Variants in PAPSS1 observed in about 807,000 individuals in gnomAD.
PAPSS1 encodes 3'-phosphoadenosine 5'-phosphosulfate synthase 1, also known as bifunctional 3'-phosphoadenosine 5'-phosphosulfate synthase 1.
A neutral mutation model predicts 72.0 loss-of-function variants in PAPSS1; 50 were observed. That is an observed-to-expected ratio of 0.69 (90% confidence interval 0.55 to 0.88). The LOEUF (loss-of-function observed/expected upper bound fraction) is 0.88, where lower values mean the gene tolerates loss of function less well. PAPSS1 is among the 40% of genes least tolerant of loss of function. The pLI is 0.00. For missense variants in PAPSS1, 657 were observed against 782.2 expected (o/e 0.84, Z 1.91); for synonymous variants, 261 against 263.6 (o/e 0.99, Z 0.09).
chr4:107,628,389 AG>A (rs1381243434), intron 11 of PAPSS1, among the ~76,000 whole-genome samples: 2 of 152,174 alleles, frequency 1.3e-5, no homozygotes, highest in African/African-American at 2.4e-5. Context: ...AATTTTTTAA[AG>A]GTTTCTTTTT....
At chr4:107,635,829 T>C (rs1341522504) in intron 10 of PAPSS1, among the ~76,000 whole-genome samples, 1 of 152,206 alleles carries the variant, frequency 6.6e-6, no homozygotes, top group Admixed American at 6.5e-5. Context: ...CTTTAAAATA[T>C]TCTTATCACC....
intron 5 of PAPSS1, among the ~76,000 whole-genome samples, chr4:107,669,800 A>T (rs1355375689): frequency 2.0e-5 from 3 of 152,320 alleles, no homozygotes; most frequent in Middle Eastern, 6.8e-3. Flanking sequence ...GTTTTTCAAA[A>T]GAAAATTTCT....
intron 5 of PAPSS1, among the ~76,000 whole-genome samples, chr4:107,661,251 T>G (rs1318861455): frequency 6.6e-6 from 1 of 152,030 alleles, no homozygotes; most frequent in African/African-American, 2.4e-5. Context: ...TCATAGCTGG[T>G]GGGGATGCAA....
chr4:107,682,227 T>C, intron 4 of PAPSS1, 94 bp from the exon 5 acceptor site: 1 of 601,508 alleles, frequency 1.7e-6, no homozygotes. Flanking sequence ...GAAGTTAGTA[T>C]CTGCGCTGTC....
chr4:107,640,328 C>T (rs1726502728), intron 10 of PAPSS1, among the ~76,000 whole-genome samples: 1 of 152,160 alleles, frequency 6.6e-6, no homozygotes, highest in Admixed American at 6.5e-5. Flanking sequence ...TCTTTATAGA[C>T]TATAAAATCA....
chr4:107,709,086 C>T (rs1255574027), intron 1 of PAPSS1, among the ~76,000 whole-genome samples: 1 of 152,240 alleles, frequency 6.6e-6, no homozygotes, highest in Non-Finnish European at 1.5e-5. Context: ...TCTGAGCCTA[C>T]TCTGGCTCAG....
At chr4:107,636,163 C>T (rs547751327) in intron 10 of PAPSS1, among the ~76,000 whole-genome samples, 1 of 151,898 alleles carries the variant, frequency 6.6e-6, no homozygotes, top group East Asian at 1.9e-4. Flanking sequence ...GGCAAATATG[C>T]AAAAAAGGTT....
At chr4:107,644,559 C>A (rs1017619274) in intron 10 of PAPSS1, among the ~76,000 whole-genome samples, 2 of 152,184 alleles carry the variant, frequency 1.3e-5, no homozygotes, top group Non-Finnish European at 2.9e-5. Context: ...CAGGGAACAT[C>A]CCCTCCTTCA....
intron 1 of PAPSS1, among the ~76,000 whole-genome samples, chr4:107,714,100 C>T (rs911210258): frequency 4.6e-5 from 7 of 152,094 alleles, no homozygotes; most frequent in African/African-American, 1.7e-4. Flanking sequence ...AGCAGAAATC[C>T]CCCATCCTCC....
chr4:107,630,352 T>A (rs1726197773), intron 11 of PAPSS1, among the ~76,000 whole-genome samples: 1 of 152,220 alleles, frequency 6.6e-6, no homozygotes, highest in Admixed American at 6.5e-5. Context: ...TCCCCACATG[T>A]CAGGGGAGGA....
At chr4:107,655,508 T>C (rs1726979941) in intron 7 of PAPSS1, among the ~76,000 whole-genome samples, 1 of 152,226 alleles carries the variant, frequency 6.6e-6, no homozygotes, top group East Asian at 1.9e-4. Flanking sequence ...CAAAATGTGT[T>C]GTCAGTGATA....
chr4:107,657,034 T>A (rs1234880158), intron 6 of PAPSS1, 27 bp from the exon 7 acceptor site: 1 of 1,454,466 alleles, frequency 6.9e-7, no homozygotes, highest in Non-Finnish European at 9.7e-7. Context: ...TAAAGCAAAA[T>A]TTTCTATTGC....
chr4:107,710,091 C>T (rs1723447674), intron 1 of PAPSS1, among the ~76,000 whole-genome samples: 1 of 152,210 alleles, frequency 6.6e-6, no homozygotes, highest in African/African-American at 2.4e-5. Flanking sequence ...TCAGCCAAAT[C>T]CTTTCTATAA....
At chr4:107,685,238 T>G (rs1443515566) in intron 4 of PAPSS1, among the ~76,000 whole-genome samples, 1 of 152,210 alleles carries the variant, frequency 6.6e-6, no homozygotes, top group Admixed American at 6.5e-5. Flanking sequence ...CAACAAGCAT[T>G]AACTATGTGT....
intron 10 of PAPSS1, among the ~76,000 whole-genome samples, chr4:107,637,824 A>G (rs889695561): frequency 2.0e-5 from 3 of 152,220 alleles, no homozygotes; most frequent in African/African-American, 7.2e-5. Flanking sequence ...AAAATTCTTT[A>G]GGAAGTCAAG....
intron 11 of PAPSS1, among the ~76,000 whole-genome samples, chr4:107,620,164 A>T (rs1220275843): frequency 1.3e-5 from 2 of 152,222 alleles, no homozygotes; most frequent in African/African-American, 4.8e-5. Flanking sequence ...TAAAAGTGCT[A>T]ACTAGGCAAC....
chr4:107,658,786 G>A (rs1290807776), intron 6 of PAPSS1, among the ~76,000 whole-genome samples: 1 of 152,030 alleles, frequency 6.6e-6, no homozygotes, highest in Non-Finnish European at 1.5e-5. Flanking sequence ...GATGGTATCT[G>A]TTAGGGATTG....
intron 10 of PAPSS1, among the ~76,000 whole-genome samples, chr4:107,639,934 G>A (rs1399566223): frequency 6.6e-6 from 1 of 152,198 alleles, no homozygotes; most frequent in Non-Finnish European, 1.5e-5. Flanking sequence ...TTCTCTTAAA[G>A]AGTCAATTAA....
chr4:107,713,340 CT>C (rs1435968010), intron 1 of PAPSS1, among the ~76,000 whole-genome samples: 3 of 152,074 alleles, frequency 2.0e-5, no homozygotes, highest in Non-Finnish European at 4.4e-5. Context: ...AATGCAGAGC[CT>C]GGGGAATGAC....
Sources: gnomAD v4.1 joint callset for allele counts (sites outside exome capture counted in the v4.1 genomes callset) on GRCh38, gnomAD v4.1.1 for gene constraint, MANE v1.5 for transcripts, NCBI Gene and HGNC (gene_info 2026-07-23, HGNC 2026-07-21) for gene names.